INTS13: variants seen among roughly 807,000 people sequenced by gnomAD.
The protein encoded by INTS13 is asunder, spermatogenesis regulator homolog (Drosphila).
A neutral mutation model predicts 90.2 loss-of-function variants in INTS13; 35 were observed. The ratio of observed to expected loss-of-function variants is 0.39; its 90% CI spans 0.30 to 0.51. INTS13 has a LOEUF of 0.51. Among genes scored for constraint, INTS13 ranks in the 20% least tolerant of loss-of-function variants. The pLI is 0.80. For synonymous variants in INTS13, 309 were observed against 277.1 expected, an observed-to-expected ratio of 1.11 and a Z score of -1.14; for missense variants, 601 against 851.2, an observed-to-expected ratio of 0.71 and a Z score of 3.66.
intron 14 of INTS13, among the ~76,000 whole-genome samples, chr12:26,912,520 C>A (rs545875713): frequency 6.6e-6 from 1 of 151,794 alleles, no homozygotes; most frequent in Non-Finnish European, 1.5e-5. Context: ...GAGGATATAG[C>A]CAGAGGATAC....
Position 26,936,640 on chromosome 12 carries a change from G to A in INTS13, c.164C>T (p.Ser55Leu). The A allele has an allele frequency of 6.2e-7, 1 of 1,613,446 alleles. No homozygotes were observed. Among genetic ancestry groups the A allele is most frequent in the Non-Finnish European group, 8.5e-7 (1 of 1,179,516 alleles). The change falls in exon 2 of 17, where the codon TCA (serine) becomes TTA (leucine). Residue 55 changes from serine to leucine, a missense_variant. By Grantham distance (145) the Ser-to-Leu change is moderately radical. Coordinates refer to ENST00000261191, the MANE Select transcript of INTS13 (RefSeq NM_018164.3). ...APISKSLWTCSVESSMEYCRI... is the reference protein window; with the variant it reads ...APISKSLWTCLVESSMEYCRI... ...ACAATATTCCATGGAAGATTCTACT[G>A]AGCAAGTCCACAATGATTTAGATAT...
At chr12:26,917,277 A>C (rs1951965462) in intron 10 of INTS13, 75 bp downstream of exon 10, 2 of 423,320 alleles carry the variant, frequency 4.7e-6, no homozygotes, top group Non-Finnish European at 7.5e-6. Flanking sequence ...AATTTCACTC[A>C]AATAATAATT....
At chr12:26,929,100 G>A in intron 3 of INTS13, 195 bp from the exon 4 acceptor site, 1 of 535,548 alleles carries the variant, frequency 1.9e-6, no homozygotes, top group Non-Finnish European at 3.3e-6. Flanking sequence ...TTCTAGGAAT[G>A]CAAAGTTTAT....
At chr12:26,919,745 T>C (rs1048715823) in intron 8 of INTS13, among the ~76,000 whole-genome samples, 37 of 149,506 alleles carry the variant, frequency 2.5e-4, no homozygotes, top group African/African-American at 8.6e-4. Context: ...CTAGTTCAGG[T>C]GGCAAAGCTC....
In INTS13 at chr12:26,905,512, T is replaced by G; in HGVS notation, c.2106A>C (p.Lys702Asn). The G allele has an allele frequency of 3.7e-6, 6 of 1,611,296 alleles. No homozygotes were observed. Among genetic ancestry groups the G allele is most frequent in the Non-Finnish European group, 5.1e-6 (6 of 1,178,956 alleles). ...AAGTCACTCTTCACTGCCGGCTGGC[T>G]TTTCCATTTTCTGTTGTCTCCATCC... is the stretch of plus-strand genomic sequence containing the variant. ...ENGMETTENG[K>N]ASRQ The change falls in exon 17 of 17, where the codon AAA becomes AAC. Residue 702 changes from lysine to asparagine, a missense_variant. Around this residue, in one of 3 missense-constraint regions of INTS13, gnomAD observed 228 missense variants for 272.5 expected, o/e 0.84. Coordinates refer to ENST00000261191, the MANE Select transcript of INTS13 (RefSeq NM_018164.3).
intron 3 of INTS13, among the ~76,000 whole-genome samples, chr12:26,929,210 C>G (rs1311761803): frequency 6.6e-6 from 1 of 151,978 alleles, no homozygotes; most frequent in East Asian, 1.9e-4. Context: ...TGACAAGATC[C>G]AAAACCTTTT....
In INTS13 at chr12:26,917,345, A is replaced by C; in HGVS notation, c.1069+7T>G. On this transcript the variant is annotated splice_region_variant and intron_variant, in intron 10 of 16. Transcript: ENST00000261191. ...TTCAGTCAAAACCATTAAATAATTA[A>C]AGTTACCATTTAGAAGAAAATTAGT... 2 of 1,235,984 alleles carry C rather than the reference A, an allele frequency of 1.6e-6. No individual in the cohort carries two copies. The highest frequency in any genetic ancestry group is 2.2e-6 in the Non-Finnish European group (2 of 889,694). 76.6% of individuals were successfully genotyped at this position (1,235,984 alleles called of 1,614,324 possible).
intron 12 of INTS13, 130 bp downstream of exon 12, chr12:26,914,278 T>G (rs1951870379): frequency 1.7e-6 from 2 of 1,205,072 alleles, no homozygotes; most frequent in Non-Finnish European, 2.3e-6. Context: ...TTATTAATTC[T>G]TTAACTTTAG....
In INTS13 at chr12:26,906,392, G is replaced by C; in HGVS notation, c.1991C>G (p.Ala664Gly). The C allele has an allele frequency of 6.2e-7, 1 of 1,612,550 alleles. No individual in the cohort carries two copies. The highest frequency in any genetic ancestry group is 1.7e-5 in the Admixed American group (1 of 59,964). ...LSLWSNRINT[A>G]NSRKHQEFAG... ...AAATTCCTGATGTTTTCTGGAATTGGCAGTATTGATTCTATTACTCCACAA... is the reference window on the plus strand; with the variant it reads ...AAATTCCTGATGTTTTCTGGAATTGCCAGTATTGATTCTATTACTCCACAA... The change falls in exon 16 of 17, where the codon GCC becomes GGC. Residue 664 changes from alanine (A) to glycine (G), a missense_variant. Around this residue, in one of 3 missense-constraint regions of INTS13, gnomAD observed 228 missense variants for 272.5 expected, o/e 0.84. Transcript: ENST00000261191.
Position 26,936,818 on chromosome 12 carries a change from T to C in INTS13, c.-11-4A>G. 1 of 1,585,590 alleles carries C rather than the reference T, an allele frequency of 6.3e-7. No individual in the cohort carries two copies. The highest frequency in any genetic ancestry group is 8.7e-7 in the Non-Finnish European group (1 of 1,155,486). ...AAAATCTTCATTTTGTTTTAACCTG[T>C]AAGGGGAAAAACATATTAGCCAAAT... On this transcript the variant is annotated splice_polypyrimidine_tract_variant and splice_region_variant and intron_variant, in intron 1 of 16. Transcript: ENST00000261191.
intron 11 of INTS13, among the ~76,000 whole-genome samples, chr12:26,914,805 G>A (rs1297777686): frequency 2.0e-5 from 3 of 152,072 alleles, no homozygotes; most frequent in African/African-American, 4.8e-5. Context: ...ATGCATTCAT[G>A]GTATGTTTTC....
chr12:26,930,618 A>C (rs545519676), intron 3 of INTS13, among the ~76,000 whole-genome samples: 2 of 152,354 alleles, frequency 1.3e-5, no homozygotes, highest in African/African-American at 4.8e-5. Context: ...TTCCCCCTCC[A>C]TTCAAAATTT....
chr12:26,905,394 G>A lies in INTS13; in HGVS notation c.*103C>T, dbSNP rs1359936945. 3 of 1,049,776 alleles carry A rather than the reference G, an allele frequency of 2.9e-6. No homozygotes were observed. The highest frequency in any genetic ancestry group is 1.6e-5 in the African/African-American group (1 of 61,220). The allele number at this position is 1,049,776 out of a possible 1,614,324, so 65.0% of individuals were successfully genotyped here. On this transcript the variant is annotated 3_prime_UTR_variant, in exon 17 of 17. Coordinates refer to ENST00000261191, the MANE Select transcript of INTS13 (RefSeq NM_018164.3). ...AAATATTTTAAAAATGTAAAAACCA[G>A]TCCAGGCAACATAACTATACCATCT...
intron 8 of INTS13, chr12:26,918,960 A>G: frequency 4.2e-6 from 1 of 238,242 alleles, no homozygotes; most frequent in South Asian, 3.7e-5. Context: ...CTAGGAGGTC[A>G]GGAAACTAGC....
intron 15 of INTS13, among the ~76,000 whole-genome samples, chr12:26,910,418 G>A (rs984223993): frequency 1.3e-5 from 2 of 152,146 alleles, no homozygotes; most frequent in Non-Finnish European, 2.9e-5. Context: ...TTTACTGCCT[G>A]TATTCTCTAA....
chr12:26,935,756 T>C (rs772285992), intron 2 of INTS13, among the ~76,000 whole-genome samples: 2 of 152,216 alleles, frequency 1.3e-5, no homozygotes, highest in Non-Finnish European at 2.9e-5. Flanking sequence ...GGAATATATG[T>C]GAATGTATAA....
intron 11 of INTS13, 96 bp from the exon 12 acceptor site, chr12:26,914,674 G>C (rs1323414618): frequency 3.1e-6 from 3 of 967,542 alleles, no homozygotes. Flanking sequence ...CTTCTGTCCT[G>C]TGATGTGCAA....
chr12:26,924,898 G>A (rs1162195679), intron 6 of INTS13, among the ~76,000 whole-genome samples: 1 of 152,062 alleles, frequency 6.6e-6, no homozygotes, highest in Non-Finnish European at 1.5e-5. Flanking sequence ...AAAACTAAAA[G>A]AATGAATGTG....
chr12:26,911,567 G>A (rs905708254), intron 14 of INTS13, among the ~76,000 whole-genome samples: 2 of 151,860 alleles, frequency 1.3e-5, no homozygotes, highest in African/African-American at 4.8e-5. Flanking sequence ...TAAAAAAAAA[G>A]AAGATACTTA....
Sources: allele counts gnomAD v4.1 joint callset (sites outside exome capture counted in the v4.1 genomes callset), GRCh38; gene constraint gnomAD v4.1.1; regional missense constraint gnomAD v4.1.1; transcripts MANE v1.5; gene names NCBI Gene and HGNC (gene_info 2026-07-23, HGNC 2026-07-21).